The following DHRS12 variants were observed in gnomAD, a reference collection of about 807,000 sequenced individuals.
DHRS12 encodes the protein dehydrogenase/reductase 12, also known as dehydrogenase/reductase SDR family member 12.
A neutral mutation model predicts 32.1 loss-of-function variants in DHRS12; 29 were observed. The ratio of observed to expected loss-of-function variants is 0.90; its 90% CI spans 0.67 to 1.23. DHRS12 has a LOEUF of 1.23. DHRS12 is among the 50% of genes most tolerant of loss of function. The pLI is 0.00. For missense variants in DHRS12, 330 were observed against 337.2 expected, an observed-to-expected ratio of 0.98 and a Z score of 0.17; for synonymous variants, 150 against 135.9, an observed-to-expected ratio of 1.10 and a Z score of -0.72.
intron 6 of DHRS12, among the ~76,000 whole-genome samples, 186 bp from the exon 7 acceptor site, chr13:51,772,097 C>T (rs528762717): frequency 6.6e-6 from 1 of 152,196 alleles, no homozygotes; most frequent in African/African-American, 2.4e-5. Context: ...CTAGCAGGTC[C>T]TACCCACTCC....
chr13:51,779,150 T>C (rs551331753), intron 4 of DHRS12, among the ~76,000 whole-genome samples: 2 of 152,236 alleles, frequency 1.3e-5, no homozygotes, highest in Admixed American at 6.5e-5. Context: ...TCAGTGAACA[T>C]GGCGCCAGTT....
intron 1 of DHRS12, among the ~76,000 whole-genome samples, chr13:51,801,255 C>T (rs1412593956): frequency 3.9e-5 from 6 of 152,164 alleles, no homozygotes; most frequent in African/African-American, 1.4e-4. Flanking sequence ...GGCGCGATCT[C>T]GGCTCACTGC....
intron 2 of DHRS12, among the ~76,000 whole-genome samples, chr13:51,794,261 T>C (rs1187439282): frequency 6.6e-6 from 1 of 152,214 alleles, no homozygotes; most frequent in African/African-American, 2.4e-5. Context: ...GGACCCTTTC[T>C]GCAGACAAGC....
At chr13:51,760,595 T>G in the DHRS12 span, 3 of 152,204 alleles carry the variant, frequency 2.0e-5, no homozygotes, top group Non-Finnish European at 2.9e-5. Context: ...TTTAGCTTTT[T>G]TGACGCAGCT....
chr13:51,756,274 G>A, the DHRS12 span: 20 of 1,561,298 alleles, frequency 1.3e-5, no homozygotes, highest in Admixed American at 1.8e-5. Flanking sequence ...GGTGAGATGC[G>A]GGGGCCTCAG....
chr13:51,801,398 T>C (rs1193695608), intron 1 of DHRS12, among the ~76,000 whole-genome samples: 1 of 152,132 alleles, frequency 6.6e-6, no homozygotes, highest in African/African-American at 2.4e-5. Context: ...ATGTTGGCCA[T>C]GCTGGTCTCG....
chr13:51,757,795 C>T, the DHRS12 span, among the ~76,000 whole-genome samples: 1 of 149,972 alleles, frequency 6.7e-6, no homozygotes, highest in Admixed American at 6.7e-5. Flanking sequence ...TAGAATGACA[C>T]TTAGTAATAT....
intron 4 of DHRS12, among the ~76,000 whole-genome samples, chr13:51,779,154 G>A (rs371036465): frequency 1.3e-5 from 2 of 151,992 alleles, no homozygotes; most frequent in Admixed American, 6.6e-5. Context: ...TGAACATGGC[G>A]CCAGTTGCTC....
intron 1 of DHRS12, chr13:51,803,756 G>A (rs1357270273): frequency 3.7e-5 from 10 of 273,324 alleles, no homozygotes; most frequent in East Asian, 6.3e-5. Flanking sequence ...CGCCCAAGAG[G>A]CTCCTTGGCG....
chr13:51,788,701 A>C (rs1490155489), intron 4 of DHRS12, among the ~76,000 whole-genome samples: 1 of 152,012 alleles, frequency 6.6e-6, no homozygotes, highest in African/African-American at 2.4e-5. Context: ...AAAATTTTTA[A>C]TTAAAAAAAA....
chr13:51,777,620 TAACA>T (rs2139049552), intron 4 of DHRS12, among the ~76,000 whole-genome samples: 1 of 152,310 alleles, frequency 6.6e-6, no homozygotes, highest in South Asian at 2.1e-4. Context: ...AATATACATA[TAACA>T]TTTCTAATGG....
the DHRS12 span, chr13:51,760,299 C>T: frequency 9.2e-5 from 14 of 152,316 alleles, no homozygotes; most frequent in Admixed American, 9.2e-4. Flanking sequence ...ATGTCCTCCT[C>T]AGTGGAGAGA....
chr13:51,770,391 G>A (rs956161348), intron 7 of DHRS12, among the ~76,000 whole-genome samples: 3 of 152,170 alleles, frequency 2.0e-5, no homozygotes, highest in African/African-American at 7.2e-5. Flanking sequence ...GATAGAGCCC[G>A]CTGGTGGGCT....
rs138186040 is a variant in DHRS12 at position 51,791,149 on chromosome 13, T to G, written c.219+16A>C. On this transcript the variant is annotated intron_variant, in intron 3 of 8. Transcript: ENST00000444610. ...CCAACATGAATTTATTCTCCACTTATGTTTACAAAGCTCACCAGAACATGG... is the reference window on the plus strand; with the variant it reads ...CCAACATGAATTTATTCTCCACTTAGGTTTACAAAGCTCACCAGAACATGG... 2.0e-6 allele frequency: 3 copies of G among 1,524,624 alleles called. No individual in the cohort carries two copies. The highest frequency in any genetic ancestry group is 1.4e-5 in the African/African-American group (1 of 71,494). The allele number at this position is 1,524,624 out of a possible 1,614,324, so 94.4% of individuals were successfully genotyped here.
chr13:51,789,992 G>A lies in DHRS12; in HGVS notation c.301+19C>T. ...TGTTTATTTTGCTAAAAACAAATAAGAAAACTTCTTGTACTTACCCAGAGT... is the reference window on the plus strand; with the variant it reads ...TGTTTATTTTGCTAAAAACAAATAAAAAAACTTCTTGTACTTACCCAGAGT... On this transcript the variant is annotated intron_variant, in intron 4 of 8. Coordinates refer to ENST00000444610, the MANE Select transcript of DHRS12 (RefSeq NM_001377533.1). 6.4e-7 allele frequency: 1 copy of A among 1,561,754 alleles called. No individual in the cohort carries two copies. Among genetic ancestry groups the A allele is most frequent in the Non-Finnish European group, 8.6e-7 (1 of 1,160,614 alleles).
the DHRS12 span, chr13:51,759,668 G>T: frequency 4.0e-6 from 6 of 1,482,456 alleles, no homozygotes; most frequent in Non-Finnish European, 5.6e-6. Flanking sequence ...TTTCCTTGAA[G>T]AATTCAGTTC....
chr13:51,801,751 CA>C (rs1219201696), intron 1 of DHRS12, among the ~76,000 whole-genome samples: 2 of 152,078 alleles, frequency 1.3e-5, no homozygotes, highest in Non-Finnish European at 2.9e-5. Context: ...GAGAACTTCC[CA>C]AATACAATAG....
intron 4 of DHRS12, among the ~76,000 whole-genome samples, chr13:51,785,463 TTTGA>T (rs1566293398): frequency 1.3e-5 from 2 of 152,198 alleles, no homozygotes; most frequent in African/African-American, 2.4e-5. Context: ...AATGATTTGC[TTTGA>T]TTAATTGGAT....
At chr13:51,785,259 A>G (rs1954902404) in intron 4 of DHRS12, among the ~76,000 whole-genome samples, 1 of 152,164 alleles carries the variant, frequency 6.6e-6, no homozygotes. Context: ...GGAACAAATA[A>G]GGTGCCTTTG....
Sources: allele counts gnomAD v4.1 joint callset (sites outside exome capture counted in the v4.1 genomes callset), GRCh38; gene constraint gnomAD v4.1.1; transcripts MANE v1.5; gene names NCBI Gene and HGNC (gene_info 2026-07-23, HGNC 2026-07-21).